Variants in NIN observed in about 807,000 individuals in gnomAD.
The protein encoded by NIN is ninein, also known as glycogen synthase kinase 3 beta-interacting protein.
Under a neutral mutation model 257.6 loss-of-function variants are expected in NIN, and 137 were observed. That is an observed-to-expected ratio of 0.53 (90% confidence interval 0.46 to 0.61). The LOEUF (loss-of-function observed/expected upper bound fraction) is 0.61. NIN is among the 20% of genes least tolerant of loss of function. NIN has a pLI of 0.00. For missense variants in NIN, 2,439 were observed against 2,501.2 expected (o/e 0.98, Z 0.53); for synonymous variants, 918 against 919.8 (o/e 1.00, Z 0.04).
chr14:50,830,280 C>G (rs2045643214), intron 2 of NIN, among the ~76,000 whole-genome samples, 184 bp downstream of exon 2: 1 of 152,236 alleles, frequency 6.6e-6, no homozygotes, highest in Non-Finnish European at 1.5e-5. Context: ...TGGAAGTGCC[C>G]AAACCCAGCG....
Position 50,784,186 on chromosome 14 carries a change from C to T in NIN, c.436-5382G>A, listed in dbSNP as rs545612658. On this transcript the variant is annotated intron_variant, in intron 5 of 30. Transcript: ENST00000530997. ...TGTTTGGCTCTGCCACTTTCTGTGA[C>T]CCCTCAGTACCTTACAACGTGAGGA... Among the ~76,000 whole-genome samples the T allele has an allele frequency of 7.2e-5, 11 of 152,318 alleles. No homozygotes were observed. In the East Asian group the frequency reaches 1.7e-3, roughly 24 times the overall value.
intron 21 of NIN, among the ~76,000 whole-genome samples, chr14:50,749,516 TCTG>T (rs1427438998): frequency 2.0e-5 from 3 of 152,200 alleles, no homozygotes; most frequent in Admixed American, 6.5e-5. Context: ...TCCTCAAACT[TCTG>T]CTTATTAATT....
At position 50,757,102 on chromosome 14, in the gene NIN, T is replaced by G; in HGVS notation, c.3928A>C (p.Ser1310Arg). 6.2e-7 allele frequency: 1 copy of G among 1,613,186 alleles called. No homozygotes were observed. The highest frequency in any genetic ancestry group is 1.1e-5 in the South Asian group (1 of 90,928). Reference sequence around the variant, plus strand: ...TTTTCTATTTTGACCTCATCGTAACTCTTTTCCAGGCTGAGGAATGTTTCA... The same window carrying G: ...TTTTCTATTTTGACCTCATCGTAACGCTTTTCCAGGCTGAGGAATGTTTCA... ...VTETFLSLEK[S>R]YDEVKIENEG... Residue 1310 changes from serine (S) to arginine (R), a missense_variant, in exon 18 of 31, where the codon AGT becomes CGT. Ser to Arg is a moderately radical substitution (Grantham distance 110). This residue lies in a region of NIN where 2,043 missense variants were observed against 2,050.2 expected (regional missense o/e 1.00). Transcript: ENST00000530997.
chr14:50,754,940 C>G (rs1197637863), intron 18 of NIN, 73 bp from the exon 19 acceptor site: 5 of 1,061,010 alleles, frequency 4.7e-6, no homozygotes, highest in East Asian at 2.5e-5. Flanking sequence ...TTTCTAGTAA[C>G]TTCCAAAAGG....
In NIN at chr14:50,756,952, C is replaced by G; in HGVS notation, c.4078G>C (p.Asp1360His). The part of the protein sequence containing the change: ...ASLENLEIEP[D>H]GNILQLNQTL... ...TGATTGAGCTGGAGTATATTTCCAT[C>G]AGGTTCGATTTCCAGGTTCTCTAAA... Residue 1360 changes from aspartate to histidine, a missense_variant, in exon 18 of 31, where the codon GAT becomes CAT. Around this residue, in one of 3 missense-constraint regions of NIN, gnomAD observed 2,043 missense variants for 2,050.2 expected, o/e 1.00. Coordinates refer to ENST00000530997, the MANE Select transcript of NIN (RefSeq NM_020921.4). The G allele has an allele frequency of 1.3e-6, 2 of 1,599,122 alleles. No individual in the cohort carries two copies. The highest frequency in any genetic ancestry group is 2.2e-5 in the South Asian group (2 of 89,572).
chr14:50,737,792 G>C (rs1251996394), intron 27 of NIN, among the ~76,000 whole-genome samples: 1 of 151,762 alleles, frequency 6.6e-6, no homozygotes, highest in East Asian at 1.9e-4. Context: ...CTATAGGCAT[G>C]TGCCACCATG....
chr14:50,789,589 AAAAC>A (rs920401260), intron 5 of NIN, among the ~76,000 whole-genome samples: 2 of 152,146 alleles, frequency 1.3e-5, no homozygotes, highest in East Asian at 1.9e-4. Flanking sequence ...AAAACAAAAC[AAAAC>A]AAACAAACAA....
chr14:50,793,015 G>A, intron 4 of NIN, 134 bp from the exon 5 acceptor site: 3 of 854,048 alleles, frequency 3.5e-6, no homozygotes, highest in Non-Finnish European at 3.7e-6. Context: ...TGTGGTGGCT[G>A]TGGGTGTATA....
chr14:50,743,305 T>C (rs760939488), intron 24 of NIN, 111 bp downstream of exon 24: 2 of 708,866 alleles, frequency 2.8e-6, no homozygotes, highest in Non-Finnish European at 2.5e-6. Flanking sequence ...ATTGAATCAT[T>C]TGGAACCCTC....
chr14:50,743,352 G>C, intron 24 of NIN, 64 bp downstream of exon 24: 1 of 1,051,460 alleles, frequency 9.5e-7, no homozygotes, highest in Non-Finnish European at 1.5e-6. Flanking sequence ...TTTTTACCGG[G>C]ATTTCTGTTG....
In NIN at chr14:50,772,208, G is replaced by A. The variant is rs1483827498; in HGVS notation, c.981+93C>T. ...TTGTGAACAGAAGTACCATTAAGAAGAAAGAAAATCAAATCACAGTTTCCA... is the reference window on the plus strand; with the variant it reads ...TTGTGAACAGAAGTACCATTAAGAAAAAAGAAAATCAAATCACAGTTTCCA... On this transcript the variant is annotated intron_variant, in intron 9 of 30. Coordinates refer to ENST00000530997, the MANE Select transcript of NIN (RefSeq NM_020921.4). 3 of 1,193,568 alleles carry A rather than the reference G, an allele frequency of 2.5e-6. No individual in the cohort carries two copies. In the Admixed American group the frequency reaches 7.4e-5, roughly 29 times the overall value. The allele number at this position is 1,193,568 out of a possible 1,614,324, so 73.9% of individuals were successfully genotyped here.
At chr14:50,821,374 TG>T (rs1317224921) in intron 3 of NIN, among the ~76,000 whole-genome samples, 2 of 152,246 alleles carry the variant, frequency 1.3e-5, no homozygotes, top group African/African-American at 4.8e-5. Flanking sequence ...CAAGCCGTGC[TG>T]GGTTTTAAAT....
At chr14:50,806,428 C>A (rs1228356859) in intron 4 of NIN, 5 of 209,872 alleles carry the variant, frequency 2.4e-5, no homozygotes, top group Non-Finnish European at 4.7e-5. Context: ...CTTCCATGTA[C>A]AAGGAAACAA....
In NIN at chr14:50,758,414, G is replaced by T. The variant is rs2073349; in HGVS notation, c.2616C>A (p.Ala872=). 586,327 of 1,613,832 alleles carry T rather than the reference G, an allele frequency of 0.36. 108,286 individuals carry two copies. The highest frequency in any genetic ancestry group is 0.51 in the East Asian group (22,717 of 44,874). ...KDELTQECAE[A]QELLKETLKR... ...TAAGAGTCTCTTTCAGCAGCTCCTG[G>T]GCTTCCGCACACTCCTGGGTGAGCT... Residue 872 remains alanine (A), a synonymous_variant, in exon 18 of 31, where the codon GCC becomes GCA. Transcript: ENST00000530997.
intron 4 of NIN, among the ~76,000 whole-genome samples, chr14:50,794,143 T>C (rs550057843): frequency 6.6e-6 from 1 of 152,222 alleles, no homozygotes; most frequent in African/African-American, 2.4e-5. Flanking sequence ...ACTTTACAGT[T>C]TCCCAGGGAG....
chr14:50,720,811 A>G lies in NIN; in HGVS notation c.*2652T>C. On this transcript the variant is annotated 3_prime_UTR_variant, in exon 31 of 31. Coordinates refer to ENST00000530997, the MANE Select transcript of NIN (RefSeq NM_020921.4). ...ATCCACATTTTCCTTTTCTTAGTGT[A>G]ACGTATTATCTCAAAGGCAAACTTG... 5.0e-6 allele frequency: 1 copy of G among 201,800 alleles called. No individual in the cohort carries two copies. The highest frequency in any genetic ancestry group is 1.0e-5 in the Non-Finnish European group (1 of 98,048). The allele number at this position is 201,800 out of a possible 1,614,324, so 12.5% of individuals were successfully genotyped here.
chr14:50,757,217 T>C lies in NIN; in HGVS notation c.3813A>G (p.Thr1271=), dbSNP rs757116837. 6.2e-7 allele frequency: 1 copy of C among 1,614,178 alleles called. No individual in the cohort carries two copies. Among genetic ancestry groups the C allele is most frequent in the East Asian group, 2.2e-5 (1 of 44,892 alleles). Residue 1271 remains threonine (T), a synonymous_variant, in exon 18 of 31, where the codon ACA becomes ACG. Coordinates refer to ENST00000530997, the MANE Select transcript of NIN (RefSeq NM_020921.4). ...CLQEELRMME[T]RYDEALENNK... ...TATTTTCTAGTGCCTCATCGTAGCG[T>C]GTCTCCATCATTCTCAGCTCTTCCT...
At position 50,723,283 on chromosome 14, in the gene NIN, TGTGA is replaced by T. The variant is rs1344888051; in HGVS notation, c.*176_*179del. 5.2e-4 allele frequency: 254 copies of T among 489,740 alleles called. No homozygotes were observed. The highest frequency in any genetic ancestry group is 6.4e-5 in the Non-Finnish European group (18 of 279,664). The allele number at this position is 489,740 out of a possible 1,614,324, so 30.3% of individuals were successfully genotyped here. ...TGGGAATAATTTAAGTAGTGAAATATGTGAGTATTTATTTTCAAACTCCCATAAG... is the reference window on the plus strand; with the variant it reads ...TGGGAATAATTTAAGTAGTGAAATATGTATTTATTTTCAAACTCCCATAAG... On this transcript the variant is annotated 3_prime_UTR_variant, in exon 31 of 31. Coordinates refer to ENST00000530997, the MANE Select transcript of NIN (RefSeq NM_020921.4).
At chr14:50,724,762 G>A (rs2040348892) in intron 30 of NIN, among the ~76,000 whole-genome samples, 1 of 151,840 alleles carries the variant, frequency 6.6e-6, no homozygotes, top group Admixed American at 6.6e-5. Context: ...ACTCCATGAT[G>A]TTCCCACAGC....
Sources: allele counts gnomAD v4.1 joint callset (sites outside exome capture counted in the v4.1 genomes callset), GRCh38; gene constraint gnomAD v4.1.1; regional missense constraint gnomAD v4.1.1; transcripts MANE v1.5; gene names NCBI Gene and HGNC (gene_info 2026-07-23, HGNC 2026-07-21).